LMF1: variants seen among roughly 807,000 people sequenced by gnomAD.
The protein encoded by LMF1 is transmembrane protein 112.
Under a neutral mutation model 60.6 loss-of-function variants are expected in LMF1, and 68 were observed. The ratio of observed to expected loss-of-function variants is 1.12; its 90% confidence interval spans 0.92 to 1.37. The LOEUF is 1.37. Among genes scored for constraint, LMF1 ranks in the 40% most tolerant of loss-of-function variants. The pLI is 0.00. For missense variants in LMF1, 948 were observed against 767.2 expected, an observed-to-expected ratio of 1.24 and a Z score of -2.78; for synonymous variants, 418 against 324.7, an observed-to-expected ratio of 1.29 and a Z score of -3.09.
At chr16:981,301 TGTGAGAGAGA>T (rs773603688), upstream of LMF1, 252 of 330,420 alleles carry the variant, frequency 7.6e-4, no homozygotes, top group East Asian at 1.0e-3. Flanking sequence ...TGTGTGTGTG[TGTGAGAGAGA>T]GAGAGAGAGA....
chr16:911,903 G>A (rs892752737), intron 3 of LMF1, among the ~76,000 whole-genome samples: 10 of 152,154 alleles, frequency 6.6e-5, no homozygotes, highest in African/African-American at 2.2e-4. Flanking sequence ...CGGGGGACAC[G>A]TGGGGGCCCA....
intron 5 of LMF1, among the ~76,000 whole-genome samples, chr16:882,149 G>C (rs1033691939): frequency 6.6e-6 from 1 of 152,222 alleles, no homozygotes; most frequent in Non-Finnish European, 1.5e-5. Context: ...TTCCCACCAA[G>C]GCAACTGCAG....
intron 1 of LMF1, among the ~76,000 whole-genome samples, chr16:959,354 A>G (rs2151484396): frequency 6.6e-6 from 1 of 152,342 alleles, no homozygotes; most frequent in Non-Finnish European, 1.5e-5. Context: ...CGTATGTCAC[A>G]CTGGAAAAGG....
rs965560277 is a variant in LMF1 at position 879,455 on chromosome 16, CAAGA to C, written c.897+111_897+114del. 4.0e-6 allele frequency: 5 copies of C among 1,261,058 alleles called. No homozygotes were observed. The African/African-American group carries it at 7.5e-5, about 19-fold the overall frequency. The allele number at this position is 1,261,058 out of a possible 1,614,324, so 78.1% of individuals were successfully genotyped here. On this transcript the variant is annotated intron_variant, in intron 6 of 10. Coordinates refer to ENST00000262301, the MANE Select transcript of LMF1 (RefSeq NM_022773.4). Reference sequence around the variant, plus strand: ...AAGGCTGGGGAGGACAGGCTGTCCCCAAGAAAGGGGGCCTGTAATGCCCCAGGGT... The same window carrying C: ...AAGGCTGGGGAGGACAGGCTGTCCCCAAGGGGGCCTGTAATGCCCCAGGGT...
In LMF1 at chr16:952,208, C is replaced by T. The variant is rs375370356; in HGVS notation, c.503+2149G>A. On this transcript the variant is annotated intron_variant, in intron 2 of 10. Transcript: ENST00000262301. ...CAAGTGTAGCTGAGACCTGAGGAAA[C>T]ACCAGCAACTGGACCTGGCAGCGGT... 4.5e-4 allele frequency among the ~76,000 whole-genome samples: 68 copies of T among 152,272 alleles called. 1 individual carries two copies. The South Asian group carries it at 0.013, about 28-fold the overall frequency.
At chr16:937,298 G>A (rs5015440) in intron 2 of LMF1, among the ~76,000 whole-genome samples, 72,836 of 152,074 alleles carry the variant, frequency 0.48, 19,088 homozygotes, top group African/African-American at 0.69. Context: ...TACCGACTCC[G>A]TGGAGTTCTT....
At chr16:868,556 T>A (rs1027882240) in intron 10 of LMF1, among the ~76,000 whole-genome samples, 22 of 152,148 alleles carry the variant, frequency 1.4e-4, no homozygotes, top group Non-Finnish European at 3.1e-4. Context: ...CAGTTCACCA[T>A]GGACCCCTGG....
chr16:923,085 G>A (rs1468748829), intron 3 of LMF1, among the ~76,000 whole-genome samples: 3 of 140,770 alleles, frequency 2.1e-5, no homozygotes, highest in Non-Finnish European at 3.2e-5. Flanking sequence ...TCGTGTTGTT[G>A]CGAAGGCCCT....
intron 4 of LMF1, among the ~76,000 whole-genome samples, chr16:893,643 G>A (rs1276304388): frequency 6.6e-6 from 1 of 152,136 alleles, no homozygotes; most frequent in African/African-American, 2.4e-5. Flanking sequence ...GCCAGCACTG[G>A]GGAAGGTGGG....
chr16:918,334 G>T (rs909678032), intron 3 of LMF1, among the ~76,000 whole-genome samples: 1 of 152,226 alleles, frequency 6.6e-6, no homozygotes, highest in Non-Finnish European at 1.5e-5. Flanking sequence ...CTGTGGCTCA[G>T]CTCTGTGCAG....
At chr16:930,212 G>A (rs1447922108) in intron 3 of LMF1, among the ~76,000 whole-genome samples, 5 of 136,064 alleles carry the variant, frequency 3.7e-5, no homozygotes, top group Admixed American at 1.5e-4. Flanking sequence ...GAACAGGGGT[G>A]CAGGGCCCTG....
chr16:892,128 C>CG (rs2070506357), intron 5 of LMF1, among the ~76,000 whole-genome samples: 1 of 152,232 alleles, frequency 6.6e-6, no homozygotes, highest in African/African-American at 2.4e-5. Context: ...CGCGTGAGGA[C>CG]GGTGCCAGCT....
rs112620157 is a variant in LMF1 at position 954,080 on chromosome 16, C to A, written c.503+277G>T. On this transcript the variant is annotated intron_variant, in intron 2 of 10. Coordinates refer to ENST00000262301, the MANE Select transcript of LMF1 (RefSeq NM_022773.4). ...AGACACAGACCCACTGCTTCTGCCT[C>A]CCTTTCCCCATCCCTCTGGCTCCAG... Among the ~76,000 whole-genome samples, 997 of 134,518 alleles carry A rather than the reference C, an allele frequency of 7.4e-3. 103 individuals carry two copies. The highest frequency in any genetic ancestry group is 0.011 in the Non-Finnish European group (618 of 57,120). The allele number at this position is 134,518 out of a possible 152,430, so 88.2% of individuals were successfully genotyped here.
intron 3 of LMF1, among the ~76,000 whole-genome samples, chr16:929,372 CCA>C (rs1027076521): frequency 9.8e-5 from 15 of 152,344 alleles, no homozygotes; most frequent in African/African-American, 3.6e-4. Flanking sequence ...AGGACAGGGT[CCA>C]CACTCAGGGG....
intron 2 of LMF1, among the ~76,000 whole-genome samples, chr16:942,177 G>A (rs184808339): frequency 6.6e-6 from 1 of 152,318 alleles, no homozygotes; most frequent in East Asian, 1.9e-4. Context: ...ATTGTCACTG[G>A]ATAGAACTCT....
chr16:924,144 G>A (rs2071525008), intron 3 of LMF1, among the ~76,000 whole-genome samples: 1 of 152,226 alleles, frequency 6.6e-6, no homozygotes, highest in Non-Finnish European at 1.5e-5. Context: ...CAGCTATACT[G>A]ATGATGATGA....
intron 1 of LMF1, among the ~76,000 whole-genome samples, chr16:970,503 G>A (rs1369667084): frequency 6.6e-6 from 1 of 152,316 alleles, no homozygotes; most frequent in African/African-American, 2.4e-5. Context: ...CCCCGAGCCG[G>A]TCCTGGCAGG....
chr16:872,739 G>A (rs1239909431), intron 6 of LMF1: 1 of 152,406 alleles, frequency 6.6e-6, no homozygotes, highest in East Asian at 1.9e-4. Flanking sequence ...AGATGCCACA[G>A]GTGACACTGG....
intron 1 of LMF1, among the ~76,000 whole-genome samples, chr16:969,477 A>G (rs1025520598): frequency 2.0e-5 from 3 of 152,166 alleles, no homozygotes; most frequent in Admixed American, 2.0e-4. Flanking sequence ...CAAATGTCAC[A>G]CAAAACGTCG....
Sources: allele counts gnomAD v4.1 joint callset (sites outside exome capture counted in the v4.1 genomes callset), GRCh38; gene constraint gnomAD v4.1.1; transcripts MANE v1.5; gene names NCBI Gene and HGNC (gene_info 2026-07-23, HGNC 2026-07-21).